DLGAP2: variants seen among roughly 807,000 people sequenced by gnomAD.
The protein encoded by DLGAP2 is DLG associated protein 2, also known as disks large-associated protein 2.
Under a neutral mutation model 100.3 loss-of-function variants are expected in DLGAP2, and 26 were observed. That is an observed-to-expected ratio of 0.26 (90% CI 0.19 to 0.36). DLGAP2 has a LOEUF of 0.36. DLGAP2 is among the 10% of genes least tolerant of loss of function. The pLI, the probability that DLGAP2 is intolerant of heterozygous loss-of-function variation, is 1.00. For missense variants in DLGAP2, 1,858 were observed against 1,453.2 expected, an observed-to-expected ratio of 1.28 and a Z score of -4.53; for synonymous variants, 886 against 630.1, an observed-to-expected ratio of 1.41 and a Z score of -6.08.
chr8:1,292,373 C>A (rs145913109), intron 3 of DLGAP2, among the ~76,000 whole-genome samples: 1 of 152,156 alleles, frequency 6.6e-6, no homozygotes, highest in Non-Finnish European at 1.5e-5. Context: ...CACCTGGAAA[C>A]AGCTCATCCT....
chr8:1,112,464 T>A (rs2129046085), intron 2 of DLGAP2, among the ~76,000 whole-genome samples: 1 of 152,264 alleles, frequency 6.6e-6, no homozygotes, highest in African/African-American at 2.4e-5. Flanking sequence ...ATGGTCTCGA[T>A]CTCCTCACCT....
intron 12 of DLGAP2, among the ~76,000 whole-genome samples, chr8:1,687,618 C>T (rs1453763246): frequency 6.6e-6 from 1 of 152,194 alleles, no homozygotes; most frequent in African/African-American, 2.4e-5. Context: ...TCAATTTATT[C>T]CCTTTATAAT....
At position 885,221 on chromosome 8, in the gene DLGAP2, C is replaced by T. The variant is rs148298851; in HGVS notation, c.19-22691C>T. ...TTGAATCCATAAATTGCTGGCAGTA[C>T]GGCCATTTTCACAGTATTGATTCTT... On this transcript the variant is annotated intron_variant, in intron 1 of 14. Coordinates refer to ENST00000637795, the MANE Select transcript of DLGAP2 (RefSeq NM_001346810.2). 6.1e-3 allele frequency among the ~76,000 whole-genome samples: 935 copies of T among 152,124 alleles called. 2 individuals carry two copies. Among genetic ancestry groups the T allele is most frequent in the Non-Finnish European group, 9.8e-3 (665 of 67,946 alleles).
rs974616699 is a variant in DLGAP2 at position 1,104,021 on chromosome 8, C to T, written c.74-154830C>T. Among the ~76,000 whole-genome samples the T allele has an allele frequency of 3.3e-5, 5 of 152,172 alleles. No individual in the cohort carries two copies. In the East Asian group the frequency reaches 5.8e-4, roughly 18 times the overall value. ...CAGGTGGCATCACAAGAACACAAAG[C>T]GCTTGCTTGTGGGACACAGGATTGC... On this transcript the variant is annotated intron_variant, in intron 2 of 14. Transcript: ENST00000637795.
Position 783,415 on chromosome 8 carries a change from G to C in DLGAP2, c.18+45590G>C, listed in dbSNP as rs115852149. Among the ~76,000 whole-genome samples the C allele has an allele frequency of 9.8e-3, 1,498 of 152,290 alleles. 25 individuals carry two copies. The highest frequency in any genetic ancestry group is 0.034 in the African/African-American group (1,423 of 41,560). ...GAATCTCATGATATTACATACACGG[G>C]AAAGTATCACTTGTGACTGTTTGCA... On this transcript the variant is annotated intron_variant, in intron 1 of 14. Coordinates refer to ENST00000637795, the MANE Select transcript of DLGAP2 (RefSeq NM_001346810.2).
intron 1 of DLGAP2, among the ~76,000 whole-genome samples, chr8:745,374 T>G (rs941400729): frequency 2.6e-5 from 4 of 152,234 alleles, no homozygotes; most frequent in Admixed American, 2.0e-4. Context: ...AACAAAATGT[T>G]CTAGGTTGTC....
At chr8:1,050,373 A>C (rs183217362) in intron 2 of DLGAP2, among the ~76,000 whole-genome samples, 1 of 152,310 alleles carries the variant, frequency 6.6e-6, no homozygotes, top group East Asian at 1.9e-4. Context: ...TATATATCCA[A>C]CACTTTAGTA....
chr8:1,166,365 G>A (rs1003877186), intron 2 of DLGAP2, among the ~76,000 whole-genome samples: 1 of 152,176 alleles, frequency 6.6e-6, no homozygotes, highest in Non-Finnish European at 1.5e-5. Context: ...CCTTGAAGAT[G>A]TAACCAGGTT....
At chr8:1,417,922 A>T (rs1401774934) in intron 3 of DLGAP2, among the ~76,000 whole-genome samples, 1 of 152,076 alleles carries the variant, frequency 6.6e-6, no homozygotes, top group South Asian at 2.1e-4. Context: ...AAAATATTAC[A>T]TTTTCAAAAT....
chr8:1,223,416 C>A (rs1462065512), intron 2 of DLGAP2, among the ~76,000 whole-genome samples: 1 of 152,148 alleles, frequency 6.6e-6, no homozygotes, highest in African/African-American at 2.4e-5. Context: ...GACTACTGTT[C>A]AGGGTGGGGA....
At chr8:1,070,348 G>C (rs58131289) in intron 2 of DLGAP2, among the ~76,000 whole-genome samples, 4,576 of 152,278 alleles carry the variant, frequency 0.03, 193 homozygotes, top group East Asian at 0.12. Context: ...GTGAGCAGCG[G>C]CTGACATGGG....
At chr8:930,618 C>T (rs973703893) in intron 2 of DLGAP2, among the ~76,000 whole-genome samples, 1 of 152,210 alleles carries the variant, frequency 6.6e-6, no homozygotes, top group African/African-American at 2.4e-5. Context: ...CAGGTGCGTC[C>T]TGGGCTTGCC....
chr8:1,240,222 C>T (rs1417363649), intron 2 of DLGAP2, among the ~76,000 whole-genome samples: 1 of 134,902 alleles, frequency 7.4e-6, no homozygotes, highest in African/African-American at 2.7e-5. Context: ...GGCACTGTGT[C>T]TAGTTCTCTC....
At chr8:1,669,920 C>A (rs1219817862) in intron 10 of DLGAP2, 136 bp downstream of exon 10, 1 of 695,218 alleles carries the variant, frequency 1.4e-6, no homozygotes. Context: ...GTGCTCCCAT[C>A]TGTCCCCCTT....
chr8:1,001,711 T>C (rs534306040), intron 2 of DLGAP2, among the ~76,000 whole-genome samples: 1 of 152,290 alleles, frequency 6.6e-6, no homozygotes, highest in East Asian at 1.9e-4. Flanking sequence ...CAGCAAGCCA[T>C]TTATCTTTTT....
intron 2 of DLGAP2, among the ~76,000 whole-genome samples, chr8:969,008 C>A (rs937155049): frequency 6.6e-6 from 1 of 152,174 alleles, no homozygotes. Context: ...GTGGGTTCAT[C>A]TGTGGCTCAG....
At chr8:830,021 G>T (rs979599938) in intron 1 of DLGAP2, among the ~76,000 whole-genome samples, 1 of 152,062 alleles carries the variant, frequency 6.6e-6, no homozygotes, top group Non-Finnish European at 1.5e-5. Context: ...TAGCTCTTTG[G>T]ACTTAAAATA....
chr8:1,574,254 T>C (rs2130615418), intron 6 of DLGAP2, among the ~76,000 whole-genome samples: 1 of 152,126 alleles, frequency 6.6e-6, no homozygotes, highest in African/African-American at 2.4e-5. Flanking sequence ...GATTTTAGTG[T>C]ATGGGGGGTA....
intron 3 of DLGAP2, among the ~76,000 whole-genome samples, chr8:1,469,582 C>G (rs1277756306): frequency 6.6e-6 from 1 of 152,304 alleles, no homozygotes. Flanking sequence ...AGAAGAACCT[C>G]CCACGTATTC....
Sources: allele counts gnomAD v4.1 joint callset (sites outside exome capture counted in the v4.1 genomes callset), GRCh38; gene constraint gnomAD v4.1.1; transcripts MANE v1.5; gene names NCBI Gene and HGNC (gene_info 2026-07-23, HGNC 2026-07-21).